The following FAM168A variants were observed in gnomAD, a reference collection of about 807,000 sequenced individuals.
FAM168A encodes protein FAM168A.
A neutral mutation model predicts 28.5 loss-of-function variants in FAM168A; 3 were observed. That is an observed-to-expected ratio of 0.11 (90% CI 0.05 to 0.27). The LOEUF is 0.27. FAM168A is among the 10% of genes least tolerant of loss of function. The pLI, the probability that FAM168A is intolerant of heterozygous loss-of-function variation, is 1.00. For missense variants in FAM168A, 222 were observed against 311.5 expected (o/e 0.71, Z 2.16); for synonymous variants, 122 against 124.2 (o/e 0.98, Z 0.12).
chr11:73,480,384 TTCTCTCTC>T (rs57949673), intron 1 of FAM168A, among the ~76,000 whole-genome samples: 1 of 151,168 alleles, frequency 6.6e-6, no homozygotes, highest in Non-Finnish European at 1.5e-5. Flanking sequence ...AATAGAAAAT[TTCTCTCTC>T]TCTCTTTTTT....
In FAM168A at chr11:73,591,098, C is replaced by G. The variant is rs560849462; in HGVS notation, c.-19+6825G>C. Reference sequence around the variant, plus strand: ...GGAAGAGTTTGCAGTGAGCAGAGATCGTGCCACTGTACTCCAGGCCGGGAG... The same window carrying G: ...GGAAGAGTTTGCAGTGAGCAGAGATGGTGCCACTGTACTCCAGGCCGGGAG... On this transcript the variant is annotated intron_variant, in intron 1 of 7. Coordinates refer to ENST00000356467, the MANE Select transcript of FAM168A (RefSeq NM_015159.3). 3.9e-5 allele frequency among the ~76,000 whole-genome samples: 6 copies of G among 152,002 alleles called. No homozygotes were observed. The South Asian group carries it at 1.2e-3, about 32-fold the overall frequency.
At chr11:73,558,460 C>A (rs1943914984) in intron 1 of FAM168A, among the ~76,000 whole-genome samples, 3 of 132,942 alleles carry the variant, frequency 2.3e-5, no homozygotes, top group African/African-American at 6.1e-5. Flanking sequence ...CAGAGCAAGA[C>A]CCTGTCTCTA....
At chr11:73,455,267 A>C (rs1867508825) in intron 2 of FAM168A, among the ~76,000 whole-genome samples, 1 of 152,176 alleles carries the variant, frequency 6.6e-6, no homozygotes, top group African/African-American at 2.4e-5. Context: ...GAGTAAGCAG[A>C]GTTTGTTCCT....
chr11:73,436,367 G>T (rs746612387), intron 2 of FAM168A, among the ~76,000 whole-genome samples: 10 of 152,110 alleles, frequency 6.6e-5, no homozygotes, highest in Non-Finnish European at 1.2e-4. Context: ...GCCAGAGGAA[G>T]ACAAACTCCC....
chr11:73,554,904 A>C (rs1943872546), intron 1 of FAM168A, among the ~76,000 whole-genome samples: 1 of 152,216 alleles, frequency 6.6e-6, no homozygotes, highest in African/African-American at 2.4e-5. Context: ...GCTAAGACCC[A>C]CTGCTAAAAT....
intron 1 of FAM168A, among the ~76,000 whole-genome samples, chr11:73,573,189 TTAGAAGG>T (rs1944127568): frequency 6.6e-6 from 1 of 152,180 alleles, no homozygotes; most frequent in African/African-American, 2.4e-5. Context: ...CACTTAACTG[TTAGAAGG>T]TAGAAAGAGG....
At chr11:73,553,941 A>G (rs897742207) in intron 1 of FAM168A, among the ~76,000 whole-genome samples, 2 of 152,176 alleles carry the variant, frequency 1.3e-5, no homozygotes, top group Non-Finnish European at 2.9e-5. Context: ...GTGAGCTGAG[A>G]TTGTGCCACT....
intron 1 of FAM168A, among the ~76,000 whole-genome samples, chr11:73,575,444 C>T (rs1382465310): frequency 6.6e-6 from 1 of 152,176 alleles, no homozygotes; most frequent in Non-Finnish European, 1.5e-5. Context: ...AATTGAAAGC[C>T]TAGGATAAGC....
rs574360226 is a variant in FAM168A at position 73,579,413 on chromosome 11, T to C, written c.-19+18510A>G. Among the ~76,000 whole-genome samples the C allele has an allele frequency of 2.6e-5, 4 of 152,280 alleles. No individual in the cohort carries two copies. The South Asian group carries it at 6.2e-4, about 24-fold the overall frequency. Reference sequence around the variant, plus strand: ...TAAATGCCATTAATTCTCCACCTAATAGATGGAGAAAATAAGTTATAGAAA... The same window carrying C: ...TAAATGCCATTAATTCTCCACCTAACAGATGGAGAAAATAAGTTATAGAAA... On this transcript the variant is annotated intron_variant, in intron 1 of 7. Transcript: ENST00000356467.
Position 73,409,561 on chromosome 11 carries a change from G to A in FAM168A, c.521C>T (p.Ala174Val), listed in dbSNP as rs1275717673. 6.2e-7 allele frequency: 1 copy of A among 1,614,082 alleles called. No homozygotes were observed. The highest frequency in any genetic ancestry group is 8.5e-7 in the Non-Finnish European group (1 of 1,179,952). The change falls in exon 6 of 8, where the codon GCA becomes GTA. Residue 174 changes from alanine (A) to valine (V), a missense_variant. Around this residue, in one of 3 missense-constraint regions of FAM168A, gnomAD observed 64 missense variants for 94.6 expected, o/e 0.68. Coordinates refer to ENST00000356467, the MANE Select transcript of FAM168A (RefSeq NM_015159.3). Reference protein sequence around the residue: ...PNSIPSAIYPAPVAAPRTNGV... With the variant: ...PNSIPSAIYPVPVAAPRTNGV... ...GTTGGTCCTCGGGGCGGCAACAGGTGCTGGGTAGATAGCAGAGGGAATGCT... is the reference window on the plus strand; with the variant it reads ...GTTGGTCCTCGGGGCGGCAACAGGTACTGGGTAGATAGCAGAGGGAATGCT...
intron 3 of FAM168A, among the ~76,000 whole-genome samples, chr11:73,421,899 T>A (rs1455505720): frequency 6.6e-6 from 1 of 152,240 alleles, no homozygotes; most frequent in Non-Finnish European, 1.5e-5. Context: ...TTCCTCCAAG[T>A]GGTATATACT....
intron 1 of FAM168A, among the ~76,000 whole-genome samples, chr11:73,515,867 C>T (rs1048019293): frequency 1.4e-4 from 21 of 152,198 alleles, no homozygotes; most frequent in African/African-American, 4.6e-4. Flanking sequence ...CTTTGGGAGG[C>T]TGAGGCGGGC....
At chr11:73,587,537 A>C (rs1397173650) in intron 1 of FAM168A, among the ~76,000 whole-genome samples, 1 of 152,016 alleles carries the variant, frequency 6.6e-6, no homozygotes, top group Non-Finnish European at 1.5e-5. Context: ...AAAACTATTA[A>C]TTTTACCCAG....
At chr11:73,519,035 A>G (rs1943339882) in intron 1 of FAM168A, among the ~76,000 whole-genome samples, 1 of 152,240 alleles carries the variant, frequency 6.6e-6, no homozygotes, top group African/African-American at 2.4e-5. Flanking sequence ...CACAGCCTAC[A>G]GGACCATGAG....
At chr11:73,583,074 G>T (rs892037567) in intron 1 of FAM168A, among the ~76,000 whole-genome samples, 5 of 152,172 alleles carry the variant, frequency 3.3e-5, no homozygotes, top group African/African-American at 1.2e-4. Flanking sequence ...GGAGGCCAAG[G>T]CAGGCGGATC....
intron 1 of FAM168A, among the ~76,000 whole-genome samples, chr11:73,492,307 A>G (rs1868139737): frequency 6.6e-6 from 1 of 152,238 alleles, no homozygotes; most frequent in East Asian, 1.9e-4. Flanking sequence ...TCCTGAAAAA[A>G]TAAGCAAATA....
intron 1 of FAM168A, among the ~76,000 whole-genome samples, chr11:73,525,957 T>C (rs972595274): frequency 3.3e-5 from 5 of 152,224 alleles, no homozygotes; most frequent in Admixed American, 2.0e-4. Context: ...GAAAGTTTCT[T>C]GGAAAACTCA....
Position 73,573,499 on chromosome 11 carries a change from T to C in FAM168A, c.-19+24424A>G, listed in dbSNP as rs150736973. 4.1e-3 allele frequency among the ~76,000 whole-genome samples: 625 copies of C among 152,336 alleles called. 9 individuals are homozygous for C. The highest frequency in any genetic ancestry group is 0.014 in the African/African-American group (595 of 41,580). ...ACACCCCATTTTCTCATTTCCACTATGCAGTTACATTCACTCAATACTTTA... is the reference window on the plus strand; with the variant it reads ...ACACCCCATTTTCTCATTTCCACTACGCAGTTACATTCACTCAATACTTTA... On this transcript the variant is annotated intron_variant, in intron 1 of 7. Transcript: ENST00000356467.
At chr11:73,524,243 T>A (rs973598187) in intron 1 of FAM168A, among the ~76,000 whole-genome samples, 5 of 152,142 alleles carry the variant, frequency 3.3e-5, no homozygotes, top group African/African-American at 1.2e-4. Context: ...TATGGTGTTG[T>A]GTTTCTTTTT....
Sources: gnomAD v4.1 joint callset for allele counts (sites outside exome capture counted in the v4.1 genomes callset) on GRCh38, gnomAD v4.1.1 for gene constraint, gnomAD v4.1.1 regional missense constraint, MANE v1.5 for transcripts, NCBI Gene and HGNC (gene_info 2026-07-23, HGNC 2026-07-21) for gene names.